TICRR: variants seen among roughly 807,000 people sequenced by gnomAD.
The protein encoded by TICRR is TOPBP1 interacting checkpoint and replication regulator.
A neutral mutation model predicts 178.1 loss-of-function variants in TICRR; 132 were observed. The ratio of observed to expected loss-of-function variants is 0.74; its 90% CI spans 0.64 to 0.86. The LOEUF is 0.86. TICRR is among the 40% of genes least tolerant of loss of function. TICRR has a pLI of 0.00. For missense variants in TICRR, 2,587 were observed against 2,334.3 expected, an observed-to-expected ratio of 1.11 and a Z score of -2.23; for synonymous variants, 991 against 900.7, an observed-to-expected ratio of 1.10 and a Z score of -1.79.
chr15:89,620,628 C>A (rs1963407962), intron 18 of TICRR, among the ~76,000 whole-genome samples: 1 of 144,696 alleles, frequency 6.9e-6, no homozygotes. Flanking sequence ...GTTGTAGTTG[C>A]TGACATAAAT....
chr15:89,617,785 G>A (rs1027734744), intron 16 of TICRR, among the ~76,000 whole-genome samples: 4 of 150,888 alleles, frequency 2.7e-5, no homozygotes, highest in East Asian at 1.9e-4. Flanking sequence ...TCTGCCTCCC[G>A]GGTTCAAGCG....
chr15:89,584,336 A>G lies in TICRR; in HGVS notation c.985A>G (p.Met329Val), dbSNP rs199854865. The change falls in exon 3 of 22, where the codon ATG becomes GTG. Residue 329 changes from methionine to valine, a missense_variant. Transcript: ENST00000268138. The part of the protein sequence containing the change: ...TWTVTLEPLA[M>V]HQRHFQKPVR... ...GACAGTCACCCTAGAGCCCTTGGCC[A>G]TGCATCAGAGACATTTTCAGAAACC... 1.9e-6 allele frequency: 3 copies of G among 1,614,214 alleles called. No homozygotes were observed. The highest frequency in any genetic ancestry group is 2.5e-6 in the Non-Finnish European group (3 of 1,180,036).
chr15:89,583,981 C>T (rs552494917), intron 2 of TICRR, among the ~76,000 whole-genome samples: 3 of 152,340 alleles, frequency 2.0e-5, no homozygotes, highest in African/African-American at 7.2e-5. Context: ...AGCCACCGTG[C>T]CTGGCCTTCA....
chr15:89,596,000 G>A (rs1962993011), intron 7 of TICRR, among the ~76,000 whole-genome samples: 2 of 152,102 alleles, frequency 1.3e-5, no homozygotes, highest in South Asian at 4.1e-4. Context: ...TAGTGGGCTA[G>A]TAAAGGTGTG....
At chr15:89,595,183 T>A (rs989216881) in intron 6 of TICRR, among the ~76,000 whole-genome samples, 20 of 152,246 alleles carry the variant, frequency 1.3e-4, no homozygotes, top group African/African-American at 4.8e-4. Context: ...CACATTGAGA[T>A]GTTTAGTTCC....
At chr15:89,596,460 T>C (rs1274640327) in intron 7 of TICRR, among the ~76,000 whole-genome samples, 2 of 151,978 alleles carry the variant, frequency 1.3e-5, no homozygotes, top group African/African-American at 2.4e-5. Flanking sequence ...GATTCTCCTG[T>C]CTCAGCCTCC....
At chr15:89,580,626 G>A (rs1962707396) in intron 1 of TICRR, among the ~76,000 whole-genome samples, 1 of 152,180 alleles carries the variant, frequency 6.6e-6, no homozygotes, top group Non-Finnish European at 1.5e-5. Flanking sequence ...CCAATACATT[G>A]TTTATCTTCA....
intron 7 of TICRR, among the ~76,000 whole-genome samples, chr15:89,598,500 T>C (rs1293483558): frequency 1.3e-5 from 2 of 151,868 alleles, no homozygotes; most frequent in Non-Finnish European, 2.9e-5. Context: ...GTAGCTGGGA[T>C]TAGAGGCGCC....
Position 89,606,785 on chromosome 15 carries a change from T to C in TICRR, c.2682T>C (p.Ala894=). The C allele has an allele frequency of 1.9e-6, 3 of 1,613,900 alleles. No homozygotes were observed. Among genetic ancestry groups the C allele is most frequent in the South Asian group, 1.1e-5 (1 of 91,074 alleles). The change falls in exon 14 of 22, where the codon GCT becomes GCC. Residue 894 remains alanine (A), a synonymous_variant. Transcript: ENST00000268138. ...TGTTTCAGGAGAACTCTCACCCTGC[T>C]CCTCAGCAGCCTTCCCAGCCAGTGA... The part of the protein sequence containing the change: ...RATKKENSHP[A]PQQPSQPVKD...
rs1963210432 is a variant in TICRR, at chr15:89,608,792, G to C, written c.2723-11G>C. On this transcript the variant is annotated splice_polypyrimidine_tract_variant and intron_variant, in intron 14 of 21. Transcript: ENST00000268138. Reference sequence around the variant, plus strand: ...GGTTTTTCTTTTTCTTTTAATTTTTGATGCTTTCAGAAGTGACCAAAGTTC... The same window carrying C: ...GGTTTTTCTTTTTCTTTTAATTTTTCATGCTTTCAGAAGTGACCAAAGTTC... 7 of 1,554,926 alleles carry C rather than the reference G, an allele frequency of 4.5e-6. No homozygotes were observed. The highest frequency in any genetic ancestry group is 3.4e-4 in the Middle Eastern group (2 of 5,834).
chr15:89,625,163 AACCCACCTATGTGTC>A lies in TICRR; in HGVS notation c.4858_4872del (p.Thr1620_Pro1624del), dbSNP rs1176992868. ...GCCAGCAGGTCCTTAAGCAAACCTGAACCCACCTATGTGTCACCCCCCTGCCCCCGCCTCTCCCAC... is the reference window on the plus strand; with the variant it reads ...GCCAGCAGGTCCTTAAGCAAACCTGAACCCCCCTGCCCCCGCCTCTCCCAC... On this transcript the variant is annotated inframe_deletion, in exon 20 of 22. Coordinates refer to ENST00000268138, the MANE Select transcript of TICRR (RefSeq NM_152259.4). The A allele has an allele frequency of 2.0e-5, 33 of 1,613,844 alleles. No homozygotes were observed. The highest frequency in any genetic ancestry group is 2.8e-5 in the Non-Finnish European group (33 of 1,179,962).
At chr15:89,601,250 T>C in intron 9 of TICRR, 48 bp from the exon 10 acceptor site, 4 of 1,554,610 alleles carry the variant, frequency 2.6e-6, no homozygotes, top group South Asian at 1.1e-5. Flanking sequence ...GAGCTTTTTG[T>C]TTAGTGACAT....
intron 1 of TICRR, among the ~76,000 whole-genome samples, chr15:89,580,994 C>G (rs1212776391): frequency 1.3e-5 from 2 of 152,196 alleles, no homozygotes; most frequent in African/African-American, 2.4e-5. Context: ...CATGTTCATA[C>G]CACTGCACTC....
rs144345945 is a variant in TICRR, at chr15:89,596,389, C to T, written c.1900+778C>T. 2.1e-3 allele frequency among the ~76,000 whole-genome samples: 324 copies of T among 151,950 alleles called. 2 individuals carry two copies. Among genetic ancestry groups the T allele is most frequent in the East Asian group, 9.5e-3 (49 of 5,174 alleles). ...GAGACTGAGTTTTGCTCTTTTTGCC[C>T]AGGCTGGAGTGCACTGGCATGATCT... On this transcript the variant is annotated intron_variant, in intron 7 of 21. Coordinates refer to ENST00000268138, the MANE Select transcript of TICRR (RefSeq NM_152259.4).
Position 89,575,687 on chromosome 15 carries a change from T to C in TICRR, c.101T>C (p.Leu34Pro). The C allele has an allele frequency of 1.2e-6, 2 of 1,603,510 alleles. No individual in the cohort carries two copies. Among genetic ancestry groups the C allele is most frequent in the Non-Finnish European group, 1.7e-6 (2 of 1,176,560 alleles). Reference protein sequence around the residue: ...RRAALRLLTYLSCRFGLARVH... With the variant: ...RRAALRLLTYPSCRFGLARVH... ...GCCGCCCTGCGCCTCCTCACCTATC[T>C]GAGTTGCCGATTCGGCCTGGCCAGG... The change falls in exon 1 of 22, where the codon CTG (leucine) becomes CCG (proline). Residue 34 changes from leucine to proline, a missense_variant. Coordinates refer to ENST00000268138, the MANE Select transcript of TICRR (RefSeq NM_152259.4).
intron 7 of TICRR, among the ~76,000 whole-genome samples, chr15:89,596,602 C>T (rs1963002570): frequency 6.6e-6 from 1 of 152,192 alleles, no homozygotes; most frequent in African/African-American, 2.4e-5. Flanking sequence ...CTGCTTCGGC[C>T]TCCTAAAGTG....
In TICRR at chr15:89,625,210, C is replaced by A; in HGVS notation, c.4900C>A (p.Pro1634Thr). The change falls in exon 20 of 22, where the codon CCT (proline) becomes ACT (threonine). Residue 1634 changes from proline to threonine, a missense_variant. Coordinates refer to ENST00000268138, the MANE Select transcript of TICRR (RefSeq NM_152259.4). ...PPCPRLSHST[P>T]GKSRGQTYIC... ...CTGCCCCCGCCTCTCCCACAGCACA[C>A]CTGGCAAGAGCAGGGGGCAAACCTA... is the stretch of plus-strand genomic sequence containing the variant. The A allele has an allele frequency of 6.2e-7, 1 of 1,613,740 alleles. No individual in the cohort carries two copies. The highest frequency in any genetic ancestry group is 8.5e-7 in the Non-Finnish European group (1 of 1,179,846).
chr15:89,616,473 C>G lies in TICRR; in HGVS notation c.2938C>G (p.Leu980Val). 2 of 1,613,922 alleles carry G rather than the reference C, an allele frequency of 1.2e-6. No individual in the cohort carries two copies. Among genetic ancestry groups the G allele is most frequent in the South Asian group, 1.1e-5 (1 of 91,066 alleles). The change falls in exon 16 of 22, where the codon CTG becomes GTG. Residue 980 changes from leucine (L) to valine (V), a missense_variant. Physicochemically the swap from Leu to Val is conservative, Grantham distance 32. Coordinates refer to ENST00000268138, the MANE Select transcript of TICRR (RefSeq NM_152259.4). ...PVHKQISKRLLHRQIKGRSSD... is the reference protein window; with the variant it reads ...PVHKQISKRLVHRQIKGRSSD... ...GCATAAGCAGATCTCCAAAAGGCTG[C>G]TGCACAGACAAATCAAGGGCAGGTG... is the stretch of plus-strand genomic sequence containing the variant.
chr15:89,602,871 G>A lies in TICRR; in HGVS notation c.2643G>A (p.Val881=). Residue 881 remains valine, a synonymous_variant, in exon 13 of 22, where the codon GTG becomes GTA. Coordinates refer to ENST00000268138, the MANE Select transcript of TICRR (RefSeq NM_152259.4). The stretch of plus-strand genomic sequence containing the variant: ...TTCGACAAATTGAAATTCCTAAAGT[G>A]TCAAAGAGAGCTACGAAAAAAGTAA... ...QNLRQIEIPK[V]SKRATKKENS... 1.3e-6 allele frequency: 2 copies of A among 1,524,278 alleles called. No individual in the cohort carries two copies. Among genetic ancestry groups the A allele is most frequent in the Non-Finnish European group, 1.8e-6 (2 of 1,135,988 alleles). The allele number at this position is 1,524,278 out of a possible 1,614,324, so 94.4% of individuals were successfully genotyped here.
Sources: gnomAD v4.1 joint callset for allele counts (sites outside exome capture counted in the v4.1 genomes callset) on GRCh38, gnomAD v4.1.1 for gene constraint, MANE v1.5 for transcripts, NCBI Gene and HGNC (gene_info 2026-07-23, HGNC 2026-07-21) for gene names.